ARHGEF28: variants seen among roughly 807,000 people sequenced by gnomAD.
ARHGEF28 encodes Rho guanine nucleotide exchange factor 28, also known as 190 kDa guanine nucleotide exchange factor.
In ARHGEF28, 152 loss-of-function variants were observed where a neutral mutation model predicts 206.6. The observed-to-expected ratio is 0.74, with a 90% CI of 0.64 to 0.84. The LOEUF is 0.84. Among genes scored for constraint, ARHGEF28 ranks in the 40% least tolerant of loss-of-function variants. The pLI is 0.00. For missense variants in ARHGEF28, 2,028 were observed against 2,073.2 expected (o/e 0.98, Z 0.42); for synonymous variants, 763 against 776.4 (o/e 0.98, Z 0.29).
At chr5:73,938,201 A>ACACACACACAC in intron 35 of ARHGEF28, among the ~76,000 whole-genome samples, 1 of 34,340 alleles carries the variant, frequency 2.9e-5, no homozygotes, top group Non-Finnish European at 8.3e-5. Flanking sequence ...CACACACACA[A>ACACACACACAC]CTCCCCATCC....
Position 73,901,294 on chromosome 5 carries a change from A to G in ARHGEF28, c.4074+10A>G, listed in dbSNP as rs774410019. On this transcript the variant is annotated intron_variant, in intron 31 of 35. Transcript: ENST00000513042. ...TGATGCAGGGGAGAAGGTATTGTGA[A>G]CTGATTTGTTAGTAAACGGCAGCGG... The G allele has an allele frequency of 2.5e-6, 4 of 1,609,802 alleles. No individual in the cohort carries two copies. In the Admixed American group the frequency reaches 5.0e-5, roughly 20 times the overall value.
intron 2 of ARHGEF28, among the ~76,000 whole-genome samples, chr5:73,721,572 A>T (rs549252752): frequency 6.6e-6 from 1 of 152,114 alleles, no homozygotes. Flanking sequence ...TTATTAGGCT[A>T]GCTGAATTTT....
intron 9 of ARHGEF28, among the ~76,000 whole-genome samples, chr5:73,796,046 T>C (rs1754784922): frequency 6.6e-6 from 1 of 152,166 alleles, no homozygotes; most frequent in Non-Finnish European, 1.5e-5. Flanking sequence ...CCTTCCTAAA[T>C]CTCCTCCCAG....
chr5:73,652,967 G>A (rs1744927296), intron 1 of ARHGEF28, among the ~76,000 whole-genome samples: 1 of 152,144 alleles, frequency 6.6e-6, no homozygotes, highest in Non-Finnish European at 1.5e-5. Context: ...CTACTTCTTG[G>A]AAAGAAAGAT....
chr5:73,933,598 A>C (rs1391792626), intron 35 of ARHGEF28, among the ~76,000 whole-genome samples: 1 of 152,242 alleles, frequency 6.6e-6, no homozygotes, highest in African/African-American at 2.4e-5. Flanking sequence ...AATATATGGA[A>C]GCCTATAGAC....
intron 1 of ARHGEF28, among the ~76,000 whole-genome samples, chr5:73,674,306 A>G (rs528931109): frequency 2.0e-5 from 3 of 152,322 alleles, no homozygotes; most frequent in Non-Finnish European, 4.4e-5. Context: ...GACCAGTTGT[A>G]TGTTACAAAA....
intron 30 of ARHGEF28, chr5:73,898,481 A>C (rs537027880): frequency 6.3e-6 from 1 of 158,332 alleles, no homozygotes; most frequent in African/African-American, 2.4e-5. Flanking sequence ...AAGCCCTTAA[A>C]CCTAATCTCA....
At chr5:73,893,598 T>A (rs1283320746) in intron 28 of ARHGEF28, among the ~76,000 whole-genome samples, 2 of 152,266 alleles carry the variant, frequency 1.3e-5, no homozygotes, top group African/African-American at 2.4e-5. Flanking sequence ...GTCTCAGCAC[T>A]GTCATGTCAA....
chr5:73,842,812 C>T (rs996875075), intron 11 of ARHGEF28, among the ~76,000 whole-genome samples: 7 of 151,856 alleles, frequency 4.6e-5, no homozygotes, highest in South Asian at 2.1e-4. Flanking sequence ...GTGAAACTCC[C>T]GCTCTAGTAA....
rs142587697 is a variant in ARHGEF28, at chr5:73,802,329, G to A, written c.1024+6938G>A. ...GTACAGAATGGGATGAAGGGAGTGG[G>A]TTGATATTTACACTGATGTCTTAAG... On this transcript the variant is annotated intron_variant, in intron 9 of 35. Coordinates refer to ENST00000513042, the MANE Select transcript of ARHGEF28 (RefSeq NM_001177693.2). Among the ~76,000 whole-genome samples, 1,000 of 152,300 alleles carry A rather than the reference G, an allele frequency of 6.6e-3. 15 individuals carry two copies. The highest frequency in any genetic ancestry group is 0.022 in the African/African-American group (927 of 41,554).
chr5:73,732,109 G>A (rs561384056), intron 2 of ARHGEF28, among the ~76,000 whole-genome samples: 5 of 149,966 alleles, frequency 3.3e-5, no homozygotes, highest in African/African-American at 1.2e-4. Flanking sequence ...CACTCCTGAT[G>A]TTGTATATTC....
chr5:73,798,669 GA>G (rs986973994), intron 9 of ARHGEF28, among the ~76,000 whole-genome samples: 17 of 152,072 alleles, frequency 1.1e-4, no homozygotes, highest in African/African-American at 3.9e-4. Flanking sequence ...GTAGGATGGG[GA>G]AAAATGGCAA....
intron 35 of ARHGEF28, among the ~76,000 whole-genome samples, chr5:73,935,447 T>A: frequency 6.6e-6 from 1 of 152,110 alleles, no homozygotes; most frequent in Non-Finnish European, 1.5e-5. Flanking sequence ...TGGAAAAAAA[T>A]TGAGTTGCAC....
chr5:73,648,132 T>C (rs1744558897), intron 1 of ARHGEF28, among the ~76,000 whole-genome samples: 1 of 152,218 alleles, frequency 6.6e-6, no homozygotes, highest in Non-Finnish European at 1.5e-5. Context: ...CTTGGGGGGA[T>C]GGATTTACTT....
At chr5:73,920,450 T>C (rs1404025865) in intron 35 of ARHGEF28, among the ~76,000 whole-genome samples, 2 of 152,130 alleles carry the variant, frequency 1.3e-5, no homozygotes, top group African/African-American at 4.8e-5. Flanking sequence ...TTATTTTACT[T>C]TAAGTTCTTG....
intron 4 of ARHGEF28, among the ~76,000 whole-genome samples, chr5:73,767,324 G>C (rs937556404): frequency 5.3e-5 from 8 of 152,110 alleles, no homozygotes; most frequent in Admixed American, 5.2e-4. Context: ...TAACAGGCAG[G>C]GGTTGGAACA....
chr5:73,662,292 T>C, intron 1 of ARHGEF28, among the ~76,000 whole-genome samples: 1 of 152,178 alleles, frequency 6.6e-6, no homozygotes, highest in East Asian at 1.9e-4. Context: ...CACATTGATA[T>C]GGGAGAGCCA....
At chr5:73,870,299 TC>T in intron 21 of ARHGEF28, 90 bp downstream of exon 21, 1 of 1,411,798 alleles carries the variant, frequency 7.1e-7, no homozygotes, top group Non-Finnish European at 9.4e-7. Context: ...TTGGGTAAAA[TC>T]CCAGTTCTAT....
intron 4 of ARHGEF28, among the ~76,000 whole-genome samples, chr5:73,762,385 G>C (rs1752646887): frequency 6.8e-6 from 1 of 146,222 alleles, no homozygotes; most frequent in African/African-American, 2.5e-5. Context: ...GAACCCAGGA[G>C]ATGGAGGTTG....
Sources: allele counts gnomAD v4.1 joint callset (sites outside exome capture counted in the v4.1 genomes callset), GRCh38; gene constraint gnomAD v4.1.1; transcripts MANE v1.5; gene names NCBI Gene and HGNC (gene_info 2026-07-23, HGNC 2026-07-21).